The following GALNT18 variants were observed in gnomAD, a reference collection of about 807,000 sequenced individuals.
GALNT18 encodes the protein polypeptide N-acetylgalactosaminyltransferase 18.
A neutral mutation model predicts 69.5 loss-of-function variants in GALNT18; 44 were observed. That is an observed-to-expected ratio of 0.63 (90% CI 0.50 to 0.81). The LOEUF (loss-of-function observed/expected upper bound fraction) is 0.81, where lower values mean the gene tolerates loss of function less well. GALNT18 is among the 40% of genes least tolerant of loss of function. The probability of loss-of-function intolerance (pLI) is 0.00; values close to 1 mark genes in which losing one functional copy is unlikely to be tolerated. For synonymous variants in GALNT18, 364 were observed against 318.2 expected (o/e 1.14, Z -1.53); for missense variants, 715 against 810.0 (o/e 0.88, Z 1.42).
In GALNT18 at chr11:11,605,340, T is replaced by C. The variant is rs965898549; in HGVS notation, c.235+16019A>G. ...CAGGCAAGCAAGAAACACCCTCTTC[T>C]GATCTCCGGGTTGCCCTCTCTCAGC... On this transcript the variant is annotated intron_variant, in intron 1 of 10. Transcript: ENST00000227756. The surrounding 1 kb of genome is among the most constrained non-coding windows in gnomAD (Gnocchi z 4.7). Among the ~76,000 whole-genome samples the C allele has an allele frequency of 5.9e-5, 9 of 152,192 alleles. No individual in the cohort carries two copies. The highest frequency in any genetic ancestry group is 1.3e-4 in the Non-Finnish European group (9 of 68,036).
chr11:11,383,077 T>C lies in GALNT18; in HGVS notation c.596-3813A>G, dbSNP rs908618764. 4.6e-5 allele frequency among the ~76,000 whole-genome samples: 7 copies of C among 152,202 alleles called. No individual in the cohort carries two copies. The highest frequency in any genetic ancestry group is 7.3e-5 in the Non-Finnish European group (5 of 68,044). ...GATCTCCTGACATTGGAGGGACCTC[T>C]GTAAACCAGCACTACCAGAAGCAGT... On this transcript the variant is annotated intron_variant, in intron 3 of 10. Coordinates refer to ENST00000227756, the MANE Select transcript of GALNT18 (RefSeq NM_198516.3). The surrounding 1 kb of genome is among the most constrained non-coding windows in gnomAD (Gnocchi z 5.2).
intron 6 of GALNT18, among the ~76,000 whole-genome samples, chr11:11,345,653 T>A (rs1212056899): frequency 6.6e-6 from 1 of 152,074 alleles, no homozygotes; most frequent in Non-Finnish European, 1.5e-5. Flanking sequence ...AGGCCTGTGC[T>A]GGGGAAGCAG....
chr11:11,271,369 T>C (rs1490389242), intron 10 of GALNT18, 79 bp from the exon 11 acceptor site: 13 of 1,446,074 alleles, frequency 9.0e-6, no homozygotes, highest in Non-Finnish European at 1.1e-5. Flanking sequence ...GCCAAGTGGC[T>C]GGTGAGGGCT....
chr11:11,534,851 G>T lies in GALNT18; in HGVS notation c.236-85915C>A, dbSNP rs1005243850. ...TGGTGGCCTTTAAATGCTGGATTCT[G>T]TTGATGTTCCTGGTGCAGCAGCAGC... On this transcript the variant is annotated intron_variant, in intron 1 of 10. Transcript: ENST00000227756. Among the ~76,000 whole-genome samples the T allele has an allele frequency of 2.0e-5, 3 of 152,248 alleles. 1 individual carries two copies. The highest frequency in any genetic ancestry group is 1.3e-4 in the Admixed American group (2 of 15,284).
intron 10 of GALNT18, 31 bp from the exon 11 acceptor site, chr11:11,271,321 G>A (rs755946855): frequency 1.1e-5 from 17 of 1,598,076 alleles, no homozygotes; most frequent in Middle Eastern, 1.7e-4. Context: ...TGGGGTCAGA[G>A]GGCATAGAGG....
rs117897082 is a variant in GALNT18 at position 11,304,705 on chromosome 11, C to G, written c.1513-11512G>C. On this transcript the variant is annotated intron_variant, in intron 9 of 10. Coordinates refer to ENST00000227756, the MANE Select transcript of GALNT18 (RefSeq NM_198516.3). ...TGTATTCCCCTCCCTACTGAGCTAT[C>G]GTACATCACCAGATCATTAATGCCA... Among the ~76,000 whole-genome samples, 180 of 152,342 alleles carry G rather than the reference C, an allele frequency of 1.2e-3. 4 individuals are homozygous for G. In the East Asian group the frequency reaches 0.03, roughly 25 times the overall value.
intron 6 of GALNT18, among the ~76,000 whole-genome samples, chr11:11,343,176 T>G (rs1390202604): frequency 6.6e-6 from 1 of 151,914 alleles, no homozygotes; most frequent in East Asian, 1.9e-4. Flanking sequence ...AGACCTCATC[T>G]CTGCTGAAAA....
intron 6 of GALNT18, chr11:11,352,267 C>A (rs1455901182): frequency 8.7e-6 from 14 of 1,614,094 alleles, no homozygotes; most frequent in Non-Finnish European, 1.2e-5. Context: ...TCACTGTGGA[C>A]AAAGCGTTCC....
rs1371956788 is a variant in GALNT18 at position 11,459,353 on chromosome 11, G to C, written c.236-10417C>G. The stretch of plus-strand genomic sequence containing the variant: ...GGAGGAAGGAGCCCTGACAGTCTCA[G>C]GTCCAACACCATTAAAATCCTCTGT... On this transcript the variant is annotated intron_variant, in intron 1 of 10. Coordinates refer to ENST00000227756, the MANE Select transcript of GALNT18 (RefSeq NM_198516.3). The surrounding 1 kb of genome is among the most constrained non-coding windows in gnomAD (Gnocchi z 5.0). Among the ~76,000 whole-genome samples, 1 of 152,118 alleles carries C rather than the reference G, an allele frequency of 6.6e-6. No individual in the cohort carries two copies. Among genetic ancestry groups the C allele is most frequent in the Non-Finnish European group, 1.5e-5 (1 of 68,030 alleles).
intron 1 of GALNT18, among the ~76,000 whole-genome samples, chr11:11,522,875 A>G (rs1857431067): frequency 6.6e-6 from 1 of 152,088 alleles, no homozygotes; most frequent in Non-Finnish European, 1.5e-5. Flanking sequence ...CTAGCTTCCT[A>G]TTCAAATCTG....
chr11:11,531,721 C>T (rs1174375401), intron 1 of GALNT18, among the ~76,000 whole-genome samples: 2 of 152,222 alleles, frequency 1.3e-5, no homozygotes, highest in African/African-American at 2.4e-5. Flanking sequence ...TATTTCTCCC[C>T]TTGTCCAGCC....
At chr11:11,276,092 G>T (rs1207354266) in intron 10 of GALNT18, among the ~76,000 whole-genome samples, 2 of 152,162 alleles carry the variant, frequency 1.3e-5, no homozygotes, top group African/African-American at 4.8e-5. Flanking sequence ...GCTTGATGGG[G>T]ATAGCACTGA....
At position 11,497,588 on chromosome 11, in the gene GALNT18, T is replaced by A. The variant is rs1856892672; in HGVS notation, c.236-48652A>T. The stretch of plus-strand genomic sequence containing the variant: ...AATGAGATTATTATCTATAAAGAAT[T>A]TTGTGGAGGCATGGCACCAAATAAG... On this transcript the variant is annotated intron_variant, in intron 1 of 10. Coordinates refer to ENST00000227756, the MANE Select transcript of GALNT18 (RefSeq NM_198516.3). This position sits in a 1 kb window ranked among gnomAD's most constrained non-coding sequence, Gnocchi z 4.2. Among the ~76,000 whole-genome samples, 1 of 152,106 alleles carries A rather than the reference T, an allele frequency of 6.6e-6. No individual in the cohort carries two copies. Among genetic ancestry groups the A allele is most frequent in the African/African-American group, 2.4e-5 (1 of 41,422 alleles).
At chr11:11,579,566 C>T (rs562125716) in intron 1 of GALNT18, among the ~76,000 whole-genome samples, 64 of 152,204 alleles carry the variant, frequency 4.2e-4, no homozygotes, top group Non-Finnish European at 1.9e-4. Flanking sequence ...CGCCAGGGTA[C>T]CCCATGGGCA....
rs988148825 is a variant in GALNT18, at chr11:11,314,631, G to A, written c.1512+12455C>T. ...TTTCTAAAAGCAGGGTGGGAAGCTG[G>A]CTGGGTGCTCACCTCACCCAGAGAA... is the stretch of plus-strand genomic sequence containing the variant. On this transcript the variant is annotated intron_variant, in intron 9 of 10. Coordinates refer to ENST00000227756, the MANE Select transcript of GALNT18 (RefSeq NM_198516.3). This position sits in a 1 kb window ranked among gnomAD's most constrained non-coding sequence, Gnocchi z 5.2. 1.3e-5 allele frequency among the ~76,000 whole-genome samples: 2 copies of A among 152,162 alleles called. No homozygotes were observed. The highest frequency in any genetic ancestry group is 4.8e-5 in the African/African-American group (2 of 41,446).
At position 11,293,031 on chromosome 11, in the gene GALNT18, G is replaced by C. The variant is rs747518549; in HGVS notation, c.1675C>G (p.Gln559Glu). ...KRMKLHWQFS[Q>E]GGPIQNRKSK... Reference sequence around the variant, plus strand: ...TGCCCGGGCTCTGGGGCTGTTACCTGAGAGAACTGCCAGTGAAGCTTCATC... The same window carrying C: ...TGCCCGGGCTCTGGGGCTGTTACCTCAGAGAACTGCCAGTGAAGCTTCATC... The change falls in exon 10 of 11, where the codon CAG (glutamine) becomes GAG (glutamate). Residue 559 changes from glutamine to glutamate, a missense_variant and splice_region_variant. Gln to Glu is a conservative substitution (Grantham distance 29). Coordinates refer to ENST00000227756, the MANE Select transcript of GALNT18 (RefSeq NM_198516.3). 3 of 1,371,602 alleles carry C rather than the reference G, an allele frequency of 2.2e-6. No individual in the cohort carries two copies. The highest frequency in any genetic ancestry group is 1.5e-5 in the African/African-American group (1 of 66,938). 85.0% of individuals were successfully genotyped at this position (1,371,602 alleles called of 1,614,324 possible).
chr11:11,302,964 T>C (rs1302066306), intron 9 of GALNT18, among the ~76,000 whole-genome samples: 1 of 152,162 alleles, frequency 6.6e-6, no homozygotes, highest in Non-Finnish European at 1.5e-5. Context: ...CTCTCCTGGA[T>C]ATAGGACAAA....
rs1046628780 is a variant in GALNT18, at chr11:11,563,338, T to A, written c.235+58021A>T. Among the ~76,000 whole-genome samples, 3 of 152,130 alleles carry A rather than the reference T, an allele frequency of 2.0e-5. No homozygotes were observed. Among genetic ancestry groups the A allele is most frequent in the African/African-American group, 2.4e-5 (1 of 41,418 alleles). ...GGAAGCTTTGCTCCAGTCATCTAAG[T>A]AAGGCTTGTTGGTAGAGGAACAGCC... On this transcript the variant is annotated intron_variant, in intron 1 of 10. Transcript: ENST00000227756. This position sits in a 1 kb window ranked among gnomAD's most constrained non-coding sequence, Gnocchi z 4.6.
intron 8 of GALNT18, among the ~76,000 whole-genome samples, chr11:11,331,545 T>C (rs1414432573): frequency 6.6e-6 from 1 of 152,228 alleles, no homozygotes; most frequent in Non-Finnish European, 1.5e-5. Context: ...TGAACTCAGC[T>C]TTAACCACAG....
Sources: gnomAD v4.1 joint callset for allele counts (sites outside exome capture counted in the v4.1 genomes callset) on GRCh38, gnomAD v4.1.1 for gene constraint, Gnocchi (gnomAD v3.1) non-coding constraint, MANE v1.5 for transcripts, NCBI Gene and HGNC (gene_info 2026-07-23, HGNC 2026-07-21) for gene names.